FER: variants seen among roughly 807,000 people sequenced by gnomAD.
FER encodes tyrosine-protein kinase Fer.
A neutral mutation model predicts 111.0 loss-of-function variants in FER; 63 were observed. The observed-to-expected ratio is 0.57, with a 90% CI of 0.46 to 0.70. FER has a LOEUF of 0.70. Ranked by LOEUF, FER falls within the 30% of genes least tolerant of loss-of-function variation. The pLI, the probability that FER is intolerant of heterozygous loss-of-function variation, is 0.00. For synonymous variants in FER, 327 were observed against 313.9 expected, an observed-to-expected ratio of 1.04 and a Z score of -0.44; for missense variants, 914 against 954.0, an observed-to-expected ratio of 0.96 and a Z score of 0.55.
intron 10 of FER, among the ~76,000 whole-genome samples, chr5:108,943,759 G>C (rs1425514162): frequency 1.3e-5 from 2 of 151,548 alleles, no homozygotes; most frequent in Non-Finnish European, 2.9e-5. Context: ...TTTGAGACAG[G>C]GTCTTGCTCT....
intron 17 of FER, among the ~76,000 whole-genome samples, chr5:109,106,406 T>C (rs1748937852): frequency 6.6e-6 from 1 of 152,216 alleles, no homozygotes; most frequent in Non-Finnish European, 1.5e-5. Context: ...GCTTTATCTG[T>C]TAATTAAACA....
At chr5:109,014,646 G>A (rs1285237524) in intron 13 of FER, among the ~76,000 whole-genome samples, 1 of 151,986 alleles carries the variant, frequency 6.6e-6, no homozygotes, top group Non-Finnish European at 1.5e-5. Flanking sequence ...GATGGGGATG[G>A]CATTGAATCT....
At chr5:108,763,241 C>T (rs1751961195) in intron 1 of FER, among the ~76,000 whole-genome samples, 1 of 152,188 alleles carries the variant, frequency 6.6e-6, no homozygotes, top group African/African-American at 2.4e-5. Flanking sequence ...TGCAAACAAG[C>T]AAGTTACCTT....
chr5:108,875,276 C>T (rs1764975599), intron 8 of FER, among the ~76,000 whole-genome samples: 1 of 152,088 alleles, frequency 6.6e-6, no homozygotes, highest in African/African-American at 2.4e-5. Flanking sequence ...AAGCTGTGCA[C>T]TTCCCATCAC....
At chr5:108,782,477 C>T (rs1183768399) in intron 2 of FER, among the ~76,000 whole-genome samples, 1 of 151,936 alleles carries the variant, frequency 6.6e-6, no homozygotes, top group Non-Finnish European at 1.5e-5. Flanking sequence ...TGATGAGGTC[C>T]ATTTTATTCA....
chr5:109,000,513 G>C (rs571905822), intron 13 of FER, among the ~76,000 whole-genome samples: 1 of 152,098 alleles, frequency 6.6e-6, no homozygotes, highest in South Asian at 2.1e-4. Flanking sequence ...AGGGTGTAGA[G>C]GGAAATTTAT....
At chr5:108,792,703 C>G (rs796579003) in intron 2 of FER, among the ~76,000 whole-genome samples, 6 of 151,620 alleles carry the variant, frequency 4.0e-5, no homozygotes, top group African/African-American at 1.5e-4. Flanking sequence ...AAATTTATTC[C>G]TAAGTATTTT....
intron 16 of FER, among the ~76,000 whole-genome samples, chr5:109,082,845 A>G (rs1385985557): frequency 6.6e-6 from 1 of 152,018 alleles, no homozygotes; most frequent in African/African-American, 2.4e-5. Flanking sequence ...TTTATCCAAG[A>G]TGAGAAATCA....
At chr5:109,180,651 T>C (rs960985537) in intron 17 of FER, 96 bp from the exon 18 acceptor site, 37 of 1,333,116 alleles carry the variant, frequency 2.8e-5, no homozygotes, top group Non-Finnish European at 5.2e-6. Context: ...TATAAATACA[T>C]TGCAAATGTA....
intron 13 of FER, among the ~76,000 whole-genome samples, chr5:108,963,211 T>A (rs76450873): frequency 1.3e-5 from 2 of 152,204 alleles, no homozygotes; most frequent in African/African-American, 4.8e-5. Context: ...CATATTTAGA[T>A]GTTTTTAAGT....
At chr5:108,997,175 G>A (rs11959577) in intron 13 of FER, among the ~76,000 whole-genome samples, 17,482 of 150,932 alleles carry the variant, frequency 0.12, 1,097 homozygotes, top group Middle Eastern at 0.15. Context: ...GGAGGCCGAG[G>A]CAGGCAGATC....
chr5:108,924,829 C>T, intron 10 of FER: 1 of 1,218,254 alleles, frequency 8.2e-7, no homozygotes, highest in South Asian at 4.2e-5. Context: ...TTACCCAGGG[C>T]CCCAGACATT....
chr5:109,036,248 CTAAGT>C (rs1015040977), intron 13 of FER, among the ~76,000 whole-genome samples: 13 of 152,120 alleles, frequency 8.5e-5, no homozygotes, highest in Non-Finnish European at 1.3e-4. Context: ...CGTTATCCTC[CTAAGT>C]TTTCTTCCAG....
chr5:109,029,720 A>T (rs368012752), intron 13 of FER, among the ~76,000 whole-genome samples: 1 of 152,132 alleles, frequency 6.6e-6, no homozygotes, highest in Non-Finnish European at 1.5e-5. Context: ...TATACCCTGT[A>T]GGTAAAGTCA....
intron 17 of FER, among the ~76,000 whole-genome samples, chr5:109,176,639 A>AC (rs1284209635): frequency 6.6e-6 from 1 of 152,216 alleles, no homozygotes; most frequent in African/African-American, 2.4e-5. Flanking sequence ...AGTGTTCATG[A>AC]CACAAATGAT....
At chr5:108,789,790 A>T (rs1755142640) in intron 2 of FER, among the ~76,000 whole-genome samples, 1 of 151,864 alleles carries the variant, frequency 6.6e-6, no homozygotes, top group South Asian at 2.1e-4. Flanking sequence ...TTTAGTAGAG[A>T]TGGGGTTTTG....
At chr5:109,175,222 A>T (rs1757549026) in intron 17 of FER, among the ~76,000 whole-genome samples, 1 of 152,220 alleles carries the variant, frequency 6.6e-6, no homozygotes, top group African/African-American at 2.4e-5. Flanking sequence ...CCTATGATGA[A>T]CGTACAGTTT....
rs1306239563 is a variant in FER at position 108,957,231 on chromosome 5, G to T, written c.1534-1994G>T. On this transcript the variant is annotated intron_variant, in intron 12 of 19. Coordinates refer to ENST00000281092, the MANE Select transcript of FER (RefSeq NM_005246.4). The stretch of plus-strand genomic sequence containing the variant: ...ATAAGGCAGCATAGAAATGAATACT[G>T]GAAAGCTCATGTACTCATGCATTCA... Among the ~76,000 whole-genome samples, 4 of 151,544 alleles carry T rather than the reference G, an allele frequency of 2.6e-5. No individual in the cohort carries two copies. In the East Asian group the frequency reaches 7.7e-4, roughly 29 times the overall value.
chr5:109,053,477 C>G (rs1773138883), intron 16 of FER, among the ~76,000 whole-genome samples: 1 of 151,828 alleles, frequency 6.6e-6, no homozygotes, highest in Non-Finnish European at 1.5e-5. Flanking sequence ...TTTACTCATG[C>G]CTCTTTGTAA....
Sources: allele counts gnomAD v4.1 joint callset (sites outside exome capture counted in the v4.1 genomes callset), GRCh38; gene constraint gnomAD v4.1.1; transcripts MANE v1.5; gene names NCBI Gene and HGNC (gene_info 2026-07-23, HGNC 2026-07-21).